APOOL: variants seen among roughly 807,000 people sequenced by gnomAD.
APOOL encodes the protein MICOS complex subunit MIC27.
In APOOL, 12 loss-of-function variants were observed where a neutral mutation model predicts 23.1. The ratio of observed to expected loss-of-function variants is 0.52; its 90% CI spans 0.33 to 0.84. APOOL has a LOEUF of 0.84. APOOL is among the 40% of genes least tolerant of loss of function. The pLI, the probability that APOOL is intolerant of heterozygous loss-of-function variation, is 0.02. For missense variants in APOOL, 212 were observed against 199.6 expected (o/e 1.06, Z -0.37); for synonymous variants, 77 against 69.9 (o/e 1.10, Z -0.51).
rs1271615907 is a variant in APOOL at position 85,014,640 on chromosome X, A to G, written c.15+10713A>G. 3.6e-5 allele frequency among the ~76,000 whole-genome samples: 4 copies of G among 110,303 alleles called. No homozygotes were observed. The East Asian group carries it at 8.5e-4, about 24-fold the overall frequency. On this transcript the variant is annotated intron_variant, in intron 1 of 8. Transcript: ENST00000373173. ...ATTATTTTATTTAAGGAGGTTAAAG[A>G]TAGGACCCCAATTCCTTCTGGCTGT... is the stretch of plus-strand genomic sequence containing the variant.
intron 1 of APOOL, among the ~76,000 whole-genome samples, chrX:85,027,805 G>T (rs999414275): frequency 1.8e-5 from 2 of 112,073 alleles, no homozygotes; most frequent in African/African-American, 6.5e-5. Context: ...TAAGTGATTT[G>T]ATCAATATTC....
intron 8 of APOOL, among the ~76,000 whole-genome samples, chrX:85,078,150 A>T (rs1486113594): frequency 5.4e-5 from 6 of 111,895 alleles, no homozygotes; most frequent in Non-Finnish European, 9.4e-5. Context: ...TGTTTTAGTC[A>T]TGAAGTCCTT....
intron 8 of APOOL, among the ~76,000 whole-genome samples, chrX:85,080,659 T>G (rs985646222): frequency 3.6e-5 from 4 of 111,553 alleles, no homozygotes; most frequent in Non-Finnish European, 7.5e-5. Context: ...TAACCTTCTG[T>G]GTCATTGATC....
intron 1 of APOOL, among the ~76,000 whole-genome samples, chrX:85,019,963 C>T (rs1263035274): frequency 1.8e-5 from 2 of 111,541 alleles, no homozygotes; most frequent in Non-Finnish European, 3.8e-5. Flanking sequence ...GCAGTGGCAG[C>T]ATAACCCCAG....
intron 8 of APOOL, among the ~76,000 whole-genome samples, chrX:85,077,092 T>TATAC (rs1556376806): frequency 1.0e-4 from 8 of 78,099 alleles, no homozygotes; most frequent in African/African-American, 3.3e-4. Flanking sequence ...TATATATATA[T>TATAC]ACACACACAT....
chrX:85,006,234 G>T (rs1378058261), intron 1 of APOOL, among the ~76,000 whole-genome samples: 1 of 111,420 alleles, frequency 9.0e-6, no homozygotes, highest in Non-Finnish European at 1.9e-5. Context: ...TGGAGAACTG[G>T]CATTCATTTA....
At chrX:85,022,972 T>C (rs1921722776) in intron 1 of APOOL, among the ~76,000 whole-genome samples, 1 of 111,842 alleles carries the variant, frequency 8.9e-6, no homozygotes, top group Non-Finnish European at 1.9e-5. Context: ...CCATATTTCC[T>C]GCAAGAGTTG....
chrX:85,085,509 A>G (rs745500200), intron 8 of APOOL, among the ~76,000 whole-genome samples: 2 of 112,257 alleles, frequency 1.8e-5, no homozygotes, highest in Non-Finnish European at 3.8e-5. Flanking sequence ...AGTTACACAT[A>G]GGTGTGTCAC....
At chrX:85,079,610 G>T in intron 8 of APOOL, among the ~76,000 whole-genome samples, 1 of 111,786 alleles carries the variant, frequency 8.9e-6, no homozygotes, top group Non-Finnish European at 1.9e-5. Flanking sequence ...CTCAGAAAAT[G>T]AGTTAGTGAG....
chrX:85,092,744 C>A lies in APOOL; in HGVS notation c.*5066C>A, dbSNP rs1924564430. The A allele has an allele frequency of 4.9e-6, 2 of 406,196 alleles. No individual in the cohort carries two copies. Among genetic ancestry groups the A allele is most frequent in the Non-Finnish European group, 8.1e-6 (2 of 246,567 alleles). 33.5% of individuals were successfully genotyped at this position (406,196 alleles called of 1,213,427 possible). ...AAGAAAAAAGTCTCACTGTTCTGAGCTTTAAAGCCCTCTTTAAAATCTCAA... is the reference window on the plus strand; with the variant it reads ...AAGAAAAAAGTCTCACTGTTCTGAGATTTAAAGCCCTCTTTAAAATCTCAA... On this transcript the variant is annotated 3_prime_UTR_variant, in exon 9 of 9. Transcript: ENST00000373173.
At chrX:85,011,812 T>G (rs1476979443) in intron 1 of APOOL, among the ~76,000 whole-genome samples, 1 of 111,841 alleles carries the variant, frequency 8.9e-6, no homozygotes, top group Non-Finnish European at 1.9e-5. Flanking sequence ...TTAGTATTAC[T>G]TCAGCTATGT....
chrX:85,008,904 A>C (rs1921175344), intron 1 of APOOL, among the ~76,000 whole-genome samples: 1 of 111,603 alleles, frequency 9.0e-6, no homozygotes, highest in African/African-American at 3.3e-5. Context: ...CTTGCCATTC[A>C]TTTGTATCTT....
At chrX:85,055,724 C>A in intron 4 of APOOL, 103 bp from the exon 5 acceptor site, 1 of 538,022 alleles carries the variant, frequency 1.9e-6, no homozygotes. Context: ...ATTTAAACCT[C>A]ATTATTATCT....
chrX:85,042,126 A>C (rs899542977), intron 1 of APOOL, among the ~76,000 whole-genome samples: 22 of 112,045 alleles, frequency 2.0e-4, no homozygotes, highest in African/African-American at 7.1e-4. Context: ...AAATAAATGA[A>C]ATTGAAATGA....
rs148785886 is a variant in APOOL at position 85,038,118 on chromosome X, G to A, written c.16-8328G>A. ...GAATTTTACTGAAATCCTTTTTTGCGTCTATTAAGAGGATCATAGGGTCTT... is the reference window on the plus strand; with the variant it reads ...GAATTTTACTGAAATCCTTTTTTGCATCTATTAAGAGGATCATAGGGTCTT... On this transcript the variant is annotated intron_variant, in intron 1 of 8. Transcript: ENST00000373173. Among the ~76,000 whole-genome samples the A allele has an allele frequency of 4.9e-3, 542 of 111,084 alleles. 3 individuals carry two copies. The highest frequency in any genetic ancestry group is 0.016 in the African/African-American group (500 of 30,640).
intron 8 of APOOL, among the ~76,000 whole-genome samples, chrX:85,079,875 C>A (rs58917113): frequency 9.0e-6 from 1 of 111,610 alleles, no homozygotes; most frequent in Non-Finnish European, 1.9e-5. Context: ...AGTTTATTTG[C>A]GTAGAGGTGT....
At chrX:85,061,370 T>G (rs932971355) in intron 5 of APOOL, among the ~76,000 whole-genome samples, 6 of 111,709 alleles carry the variant, frequency 5.4e-5, no homozygotes, top group Admixed American at 9.5e-5. Context: ...TGCCCGGCTT[T>G]GGTATCAGGA....
chrX:85,032,686 T>C (rs998592353), intron 1 of APOOL, among the ~76,000 whole-genome samples: 19 of 111,602 alleles, frequency 1.7e-4, no homozygotes, highest in African/African-American at 6.2e-4. Context: ...GATTAATATG[T>C]TCAGAAATTT....
intron 2 of APOOL, 142 bp from the exon 3 acceptor site, chrX:85,051,247 A>T: frequency 1.5e-6 from 1 of 658,479 alleles, no homozygotes; most frequent in Non-Finnish European, 2.2e-6. Context: ...TCCTGTATTT[A>T]AGATGGTTTT....
Sources: gnomAD v4.1 joint callset for allele counts (sites outside exome capture counted in the v4.1 genomes callset) on GRCh38, gnomAD v4.1.1 for gene constraint, MANE v1.5 for transcripts, NCBI Gene and HGNC (gene_info 2026-07-23, HGNC 2026-07-21) for gene names.